Variants in NCAM1 observed in about 807,000 individuals in gnomAD.
NCAM1 encodes the protein neural cell adhesion molecule 1, also known as antigen recognized by monoclonal antibody 5.1H11.
In NCAM1, 14 loss-of-function variants were observed where a neutral mutation model predicts 109.8. The observed-to-expected ratio is 0.13, with a 90% CI of 0.08 to 0.20. The LOEUF is 0.20. NCAM1 is among the 10% of genes least tolerant of loss of function. NCAM1 has a pLI of 1.00. For synonymous variants in NCAM1, 418 were observed against 442.9 expected, an observed-to-expected ratio of 0.94 and a Z score of 0.70; for missense variants, 774 against 1,109.9, an observed-to-expected ratio of 0.70 and a Z score of 4.30.
At chr11:113,205,801 G>A (rs1232587010) in intron 4 of NCAM1, 135 bp downstream of exon 4, 1 of 1,277,244 alleles carries the variant, frequency 7.8e-7, no homozygotes, top group Admixed American at 2.3e-5. Flanking sequence ...TCTGGGTCCT[G>A]AATAGATGCA....
intron 1 of NCAM1, among the ~76,000 whole-genome samples, chr11:113,156,650 C>A (rs1184932252): frequency 5.9e-5 from 9 of 152,038 alleles, no homozygotes; most frequent in Admixed American, 5.9e-4. Context: ...CTAGGGAAGA[C>A]TTAGTAGAAA....
At chr11:112,974,600 G>T (rs533580040) in intron 1 of NCAM1, among the ~76,000 whole-genome samples, 1 of 152,148 alleles carries the variant, frequency 6.6e-6, no homozygotes, top group South Asian at 2.1e-4. Context: ...AATAAGAAAT[G>T]GATTGGGGGT....
At chr11:113,097,605 C>CT (rs36089828) in intron 1 of NCAM1, among the ~76,000 whole-genome samples, 116 of 142,142 alleles carry the variant, frequency 8.2e-4, no homozygotes, top group East Asian at 1.9e-3. Context: ...GTGACTTGGG[C>CT]TTTTTTTTTT....
chr11:113,162,700 C>T (rs1476575497), intron 1 of NCAM1, among the ~76,000 whole-genome samples: 2 of 152,066 alleles, frequency 1.3e-5, no homozygotes, highest in Non-Finnish European at 2.9e-5. Flanking sequence ...AAATGTTTGT[C>T]TCCACCAGGA....
chr11:113,112,976 A>G (rs4547130), intron 1 of NCAM1, among the ~76,000 whole-genome samples: 10,434 of 152,040 alleles, frequency 0.069, 719 homozygotes, highest in Admixed American at 0.17. Flanking sequence ...TACTAAAAAT[A>G]CAAAAATTAG....
intron 1 of NCAM1, among the ~76,000 whole-genome samples, chr11:113,134,430 G>A (rs782791786): frequency 4.6e-5 from 7 of 152,076 alleles, no homozygotes; most frequent in South Asian, 2.1e-4. Flanking sequence ...CTACTGGGTC[G>A]CCGTGAACAT....
At chr11:113,213,071 A>C (rs1054043807) in intron 7 of NCAM1, among the ~76,000 whole-genome samples, 1 of 152,236 alleles carries the variant, frequency 6.6e-6, no homozygotes, top group Non-Finnish European at 1.5e-5. Flanking sequence ...AAAAGTATAT[A>C]GTTCTATTAT....
At chr11:113,217,858 A>G (rs1944575094) in intron 8 of NCAM1, among the ~76,000 whole-genome samples, 2 of 152,196 alleles carry the variant, frequency 1.3e-5, no homozygotes, top group South Asian at 2.1e-4. Context: ...TGTACTATGC[A>G]TTGCAAGAAA....
chr11:113,017,659 G>GTGTGTGTGTGTGTGTGTA (rs1565384831), intron 1 of NCAM1, among the ~76,000 whole-genome samples: 2 of 151,770 alleles, frequency 1.3e-5, no homozygotes, highest in Non-Finnish European at 2.9e-5. Flanking sequence ...GTGTGTGTGT[G>GTGTGTGTGTGTGTGTGTA]TATGTATGTC....
chr11:113,262,955 A>G (rs782308480), intron 17 of NCAM1: 2 of 1,606,220 alleles, frequency 1.2e-6, no homozygotes, highest in Non-Finnish European at 1.7e-6. Flanking sequence ...AAATTTGCTT[A>G]AAAGCCCAGT....
At chr11:113,095,519 C>A (rs1565433159) in intron 1 of NCAM1, among the ~76,000 whole-genome samples, 1 of 152,228 alleles carries the variant, frequency 6.6e-6, no homozygotes, top group Non-Finnish European at 1.5e-5. Flanking sequence ...TGTGAAAAGG[C>A]ACTGGCTCCT....
intron 18 of NCAM1, 65 bp downstream of exon 18, chr11:113,270,460 T>A: frequency 6.8e-7 from 1 of 1,463,816 alleles, no homozygotes; most frequent in Non-Finnish European, 9.5e-7. Context: ...ACCCAGCAGC[T>A]GCACCACCCT....
In NCAM1 at chr11:113,129,021, G is replaced by A. The variant is rs11214509; in HGVS notation, c.53-73358G>A. Among the ~76,000 whole-genome samples the A allele has an allele frequency of 9.9e-4, 151 of 151,874 alleles. 6 individuals carry two copies. The East Asian group carries it at 0.024, about 24-fold the overall frequency. Reference sequence around the variant, plus strand: ...AGATTATATAGAGCAAAAAACGAGAGCAGAAACATTAAACCCATCTTTATT... The same window carrying A: ...AGATTATATAGAGCAAAAAACGAGAACAGAAACATTAAACCCATCTTTATT... On this transcript the variant is annotated intron_variant, in intron 1 of 19. Coordinates refer to ENST00000316851, the MANE Select transcript of NCAM1 (RefSeq NM_181351.5).
At chr11:113,024,859 G>T (rs145258540) in intron 1 of NCAM1, among the ~76,000 whole-genome samples, 71 of 152,292 alleles carry the variant, frequency 4.7e-4, no homozygotes, top group African/African-American at 1.6e-3. Context: ...TTAAAAAAAT[G>T]TAAGTGAACT....
At chr11:113,103,411 T>C (rs1939963927) in intron 1 of NCAM1, among the ~76,000 whole-genome samples, 1 of 152,214 alleles carries the variant, frequency 6.6e-6, no homozygotes, top group Admixed American at 6.5e-5. Flanking sequence ...AGCTAATGTG[T>C]CCTTGTGTTC....
rs1324718272 is a variant in NCAM1 at position 113,261,097 on chromosome 11, G to A, written c.2131+774G>A. ...ACCAGCCAAATGCCAACCCCAGGCA[G>A]GAGAGGTGGGCATAGAACATACAGC... On this transcript the variant is annotated intron_variant, in intron 17 of 19. Coordinates refer to ENST00000316851, the MANE Select transcript of NCAM1 (RefSeq NM_181351.5). Among the ~76,000 whole-genome samples, 3 of 152,244 alleles carry A rather than the reference G, an allele frequency of 2.0e-5. No individual in the cohort carries two copies. The East Asian group carries it at 5.8e-4, about 29-fold the overall frequency.
At chr11:113,072,756 T>A (rs562146538) in intron 1 of NCAM1, among the ~76,000 whole-genome samples, 1 of 151,694 alleles carries the variant, frequency 6.6e-6, no homozygotes, top group East Asian at 1.9e-4. Context: ...AACTTTGCTA[T>A]AGTAAACTTT....
chr11:112,973,417 C>A (rs144554764), intron 1 of NCAM1, among the ~76,000 whole-genome samples: 147 of 152,178 alleles, frequency 9.7e-4, no homozygotes, highest in African/African-American at 3.3e-3. Flanking sequence ...CCAATGAAAG[C>A]TCTTTGGTTT....
Position 113,256,037 on chromosome 11 carries a change from T to G in NCAM1, c.1953+36T>G, listed in dbSNP as rs954552351. On this transcript the variant is annotated intron_variant, in intron 16 of 19. Coordinates refer to ENST00000316851, the MANE Select transcript of NCAM1 (RefSeq NM_181351.5). ...TCCTTCTCAGACTTCACCAGAACCC[T>G]GCAACCCTGGCACCCAGCTTGCTAG... The G allele has an allele frequency of 2.4e-5, 37 of 1,574,078 alleles. 1 individual carries two copies. The highest frequency in any genetic ancestry group is 3.0e-5 in the Non-Finnish European group (35 of 1,158,582).
Sources: allele counts gnomAD v4.1 joint callset (sites outside exome capture counted in the v4.1 genomes callset), GRCh38; gene constraint gnomAD v4.1.1; transcripts MANE v1.5; gene names NCBI Gene and HGNC (gene_info 2026-07-23, HGNC 2026-07-21).